Variants in COL6A6 observed in about 807,000 individuals in gnomAD.
COL6A6 encodes the protein collagen type VI alpha 6 chain.
Under a neutral mutation model 208.6 loss-of-function variants are expected in COL6A6, and 183 were observed. The ratio of observed to expected loss-of-function variants is 0.88; its 90% CI spans 0.78 to 0.99. The LOEUF (loss-of-function observed/expected upper bound fraction) is 0.99, where lower values mean the gene tolerates loss of function less well. Ranked by LOEUF, COL6A6 falls within the 50% of genes least tolerant of loss-of-function variation. The probability of loss-of-function intolerance (pLI) is 0.00; values close to 1 mark genes in which losing one functional copy is unlikely to be tolerated. For missense variants in COL6A6, 2,816 were observed against 2,815.2 expected, an observed-to-expected ratio of 1.00 and a Z score of -0.01; for synonymous variants, 973 against 1,011.8, an observed-to-expected ratio of 0.96 and a Z score of 0.73.
intron 28 of COL6A6, among the ~76,000 whole-genome samples, chr3:130,640,749 T>C (rs2065283353): frequency 6.6e-6 from 1 of 152,246 alleles, no homozygotes; most frequent in Non-Finnish European, 1.5e-5. Context: ...AGTAAGCAGA[T>C]AACAACTGTT....
intron 1 of COL6A6, among the ~76,000 whole-genome samples, chr3:130,547,052 C>T (rs115733260): frequency 0.023 from 3,568 of 152,326 alleles, 131 homozygotes; most frequent in East Asian, 0.072. Context: ...GCCAGTCCTG[C>T]GCGGCCTGCC....
At chr3:130,624,995 C>A (rs545971180) in intron 24 of COL6A6, among the ~76,000 whole-genome samples, 7 of 152,302 alleles carry the variant, frequency 4.6e-5, no homozygotes, top group African/African-American at 1.7e-4. Context: ...TTCCTTGTTT[C>A]CTTACCATAA....
At chr3:130,571,458 G>GCAAA in intron 7 of COL6A6, 65 bp downstream of exon 7, 1 of 1,219,850 alleles carries the variant, frequency 8.2e-7, no homozygotes, top group Non-Finnish European at 1.1e-6. Context: ...AGAAAGCAAA[G>GCAAA]CAATGGCTCT....
chr3:130,565,704 G>T (rs2063003291), intron 4 of COL6A6, 90 bp downstream of exon 4: 1 of 1,377,402 alleles, frequency 7.3e-7, no homozygotes, highest in South Asian at 1.6e-5. Flanking sequence ...GGCTTGGGAA[G>T]ATGTGGATGG....
chr3:130,547,141 C>T (rs1481902288), intron 1 of COL6A6, among the ~76,000 whole-genome samples: 5 of 152,254 alleles, frequency 3.3e-5, no homozygotes, highest in Non-Finnish European at 4.4e-5. Flanking sequence ...GAGGTTTGGG[C>T]CACGAGGCAG....
At position 130,635,747 on chromosome 3, in the gene COL6A6, G is replaced by A. The variant is rs2065093951; in HGVS notation, c.5077G>A (p.Ala1693Thr). The A allele has an allele frequency of 6.2e-7, 1 of 1,612,052 alleles. No homozygotes were observed. ...TCCAGGAGAGACTGGGCTGAAGGGA[G>A]CTAGAGGCAAAATGGTAAGCTTCTT... is the stretch of plus-strand genomic sequence containing the variant. The part of the protein sequence containing the change: ...GGPGETGLKG[A>T]RGKMISAGLP... Residue 1693 changes from alanine to threonine, a missense_variant, in exon 28 of 37, where the codon GCT becomes ACT. Physicochemically the swap from Ala to Thr is moderately conservative, Grantham distance 58. Coordinates refer to ENST00000358511, the MANE Select transcript of COL6A6 (RefSeq NM_001102608.3).
At chr3:130,626,179 A>T (rs2064879116) in intron 24 of COL6A6, among the ~76,000 whole-genome samples, 1 of 152,226 alleles carries the variant, frequency 6.6e-6, no homozygotes, top group Non-Finnish European at 1.5e-5. Context: ...GATGATTTGC[A>T]TGAATCATCC....
chr3:130,590,847 A>G (rs1352097146), intron 12 of COL6A6, among the ~76,000 whole-genome samples, 194 bp from the exon 13 acceptor site: 2 of 152,182 alleles, frequency 1.3e-5, no homozygotes, highest in African/African-American at 2.4e-5. Flanking sequence ...AATTACAGGC[A>G]TGAGCCACCA....
chr3:130,673,211 AAAAAAC>A (rs2066269537), intron 36 of COL6A6, among the ~76,000 whole-genome samples: 1 of 122,982 alleles, frequency 8.1e-6, no homozygotes, highest in Non-Finnish European at 1.5e-5. Context: ...AAAAAAACAA[AAAAAAC>A]AAAAAAAAAA....
intron 1 of COL6A6, among the ~76,000 whole-genome samples, chr3:130,540,148 T>C (rs932229151): frequency 2.6e-5 from 4 of 152,234 alleles, no homozygotes; most frequent in African/African-American, 7.2e-5. Context: ...GTAACTACTA[T>C]CCTGACCCTT....
chr3:130,565,554 C>T lies in COL6A6; in HGVS notation c.1222C>T (p.Arg408Trp), dbSNP rs770189741. 4.1e-5 allele frequency: 66 copies of T among 1,613,546 alleles called. No individual in the cohort carries two copies. Among genetic ancestry groups the T allele is most frequent in the Middle Eastern group, 1.6e-4 (1 of 6,082 alleles). Residue 408 changes from arginine (R) to tryptophan (W), a missense_variant, in exon 4 of 37, where the codon CGG (arginine) becomes TGG (tryptophan). Arg to Trp is a moderately radical substitution (Grantham distance 101). Coordinates refer to ENST00000358511, the MANE Select transcript of COL6A6 (RefSeq NM_001102608.3). The stretch of plus-strand genomic sequence containing the variant: ...CAACCAGACATTTCTGAAGAAGCTG[C>T]GGAACCAAATAACACACACAGTCTC... ...AHNQTFLKKL[R>W]NQITHTVSVF...
chr3:130,583,345 A>G (rs2063466429), intron 10 of COL6A6, among the ~76,000 whole-genome samples: 2 of 152,060 alleles, frequency 1.3e-5, no homozygotes, highest in Admixed American at 1.3e-4. Flanking sequence ...GAAAAAAGAT[A>G]CTAGAGTGCT....
intron 1 of COL6A6, among the ~76,000 whole-genome samples, chr3:130,547,659 A>G (rs1022348478): frequency 6.6e-6 from 1 of 152,194 alleles, no homozygotes; most frequent in Non-Finnish European, 1.5e-5. Flanking sequence ...GGCGTTCATG[A>G]TCTGTTATGA....
intron 1 of COL6A6, among the ~76,000 whole-genome samples, chr3:130,557,423 G>A (rs979387568): frequency 1.3e-5 from 2 of 152,156 alleles, no homozygotes; most frequent in African/African-American, 4.8e-5. Flanking sequence ...ATGAACTTAA[G>A]GCTCACTCTG....
rs200413130 is a variant in COL6A6 at position 130,568,605 on chromosome 3, G to T, written c.2401+1G>T. The T allele has an allele frequency of 1.3e-6, 2 of 1,592,506 alleles. No homozygotes were observed. Among genetic ancestry groups the T allele is most frequent in the Non-Finnish European group, 1.7e-6 (2 of 1,175,508 alleles). ...TTTGGAATATGCAGCCCCCGTGAAGGTAGGCATGGGCATACTCACTAGCAG... is the reference window on the plus strand; with the variant it reads ...TTTGGAATATGCAGCCCCCGTGAAGTTAGGCATGGGCATACTCACTAGCAG... On this transcript the variant is annotated splice_donor_variant, in intron 6 of 36. Transcript: ENST00000358511. LOFTEE classifies it high-confidence loss of function.
intron 20 of COL6A6, among the ~76,000 whole-genome samples, chr3:130,604,765 A>T (rs921868553): frequency 6.6e-6 from 1 of 152,220 alleles, no homozygotes; most frequent in East Asian, 1.9e-4. Flanking sequence ...AGGGGAAAAA[A>T]TGTTTGTTGA....
intron 1 of COL6A6, among the ~76,000 whole-genome samples, chr3:130,554,602 A>G (rs555559889): frequency 6.6e-6 from 1 of 152,266 alleles, no homozygotes; most frequent in Admixed American, 6.5e-5. Context: ...ACTGGTCTCC[A>G]TGCACTCATT....
chr3:130,590,229 C>T (rs1465671386), intron 12 of COL6A6, among the ~76,000 whole-genome samples: 2 of 117,590 alleles, frequency 1.7e-5, no homozygotes, highest in East Asian at 4.7e-4. Flanking sequence ...GGACACTTGT[C>T]TCGAAATTCC....
At chr3:130,548,499 G>A (rs2062570690) in intron 1 of COL6A6, among the ~76,000 whole-genome samples, 1 of 152,168 alleles carries the variant, frequency 6.6e-6, no homozygotes. Context: ...CTCCAGGTCA[G>A]TTAAGCTCTG....
Sources: gnomAD v4.1 joint callset for allele counts (sites outside exome capture counted in the v4.1 genomes callset) on GRCh38, gnomAD v4.1.1 for gene constraint, MANE v1.5 for transcripts, NCBI Gene and HGNC (gene_info 2026-07-23, HGNC 2026-07-21) for gene names.